GABRA2: variants seen among roughly 807,000 people sequenced by gnomAD.
GABRA2 encodes gamma-aminobutyric acid type A receptor subunit alpha2, also known as gamma-aminobutyric acid receptor subunit alpha-2.
GABRA2 carries 16 observed loss-of-function variants against 48.7 expected under a neutral mutation model. The observed-to-expected ratio is 0.33, with a 90% CI of 0.22 to 0.50. The LOEUF (loss-of-function observed/expected upper bound fraction) is 0.50. GABRA2 is among the 20% of genes least tolerant of loss of function. The probability of loss-of-function intolerance (pLI) is 0.98; values close to 1 mark genes in which losing one functional copy is unlikely to be tolerated. For missense variants in GABRA2, 275 were observed against 535.6 expected (o/e 0.51, Z 4.80); for synonymous variants, 185 against 184.5 (o/e 1.00, Z -0.02).
At chr4:46,326,540 A>G (rs1295123667) in intron 4 of GABRA2, among the ~76,000 whole-genome samples, 2 of 151,506 alleles carry the variant, frequency 1.3e-5, no homozygotes, top group Non-Finnish European at 3.0e-5. Flanking sequence ...CTAGCTCAGA[A>G]AATGGAACCA....
intron 1 of GABRA2, chr4:46,389,516 G>T (rs954131474): frequency 5.2e-6 from 3 of 579,050 alleles, no homozygotes; most frequent in African/African-American, 4.1e-5. Context: ...ACGTGCTGCC[G>T]AGCAGGTGTC....
At chr4:46,260,604 A>G (rs1716766866) in intron 9 of GABRA2, among the ~76,000 whole-genome samples, 1 of 151,894 alleles carries the variant, frequency 6.6e-6, no homozygotes, top group Admixed American at 6.6e-5. Context: ...TTTTATCTCC[A>G]AAAAATTAGT....
intron 3 of GABRA2, among the ~76,000 whole-genome samples, chr4:46,336,601 T>C (rs1447081648): frequency 6.6e-6 from 1 of 152,102 alleles, no homozygotes; most frequent in Non-Finnish European, 1.5e-5. Context: ...AGAGGCAAAA[T>C]ACAAGGTTGA....
In GABRA2 at chr4:46,250,632, G is replaced by A. The variant is rs201645152; in HGVS notation, c.1060-28C>T. 3.9e-6 allele frequency: 6 copies of A among 1,534,390 alleles called. No homozygotes were observed. The African/African-American group carries it at 8.4e-5, about 21-fold the overall frequency. ...ATTGAAAAATACAAAAATTAACAGAGTGTGGGTTGAGTCTGCTACTTAACA... is the reference window on the plus strand; with the variant it reads ...ATTGAAAAATACAAAAATTAACAGAATGTGGGTTGAGTCTGCTACTTAACA... On this transcript the variant is annotated intron_variant, in intron 9 of 9. Coordinates refer to ENST00000381620, the MANE Select transcript of GABRA2 (RefSeq NM_000807.4).
intron 3 of GABRA2, among the ~76,000 whole-genome samples, chr4:46,378,086 C>T (rs1355955751): frequency 1.1e-4 from 17 of 151,976 alleles, no homozygotes; most frequent in African/African-American, 3.4e-4. Context: ...AGGTGAGGGG[C>T]GCCTCTGCCC....
intron 3 of GABRA2, among the ~76,000 whole-genome samples, chr4:46,383,524 A>C (rs923315331): frequency 7.9e-5 from 12 of 152,250 alleles, no homozygotes; most frequent in African/African-American, 1.2e-4. Flanking sequence ...CTGAGAAAGG[A>C]GGATTTATTA....
At chr4:46,353,474 TA>T (rs1440227335) in intron 3 of GABRA2, among the ~76,000 whole-genome samples, 1 of 152,132 alleles carries the variant, frequency 6.6e-6, no homozygotes, top group Non-Finnish European at 1.5e-5. Flanking sequence ...TACTCAGAAG[TA>T]AAAGCCAAAG....
At chr4:46,299,245 T>A (rs1220705270) in intron 8 of GABRA2, among the ~76,000 whole-genome samples, 3 of 151,840 alleles carry the variant, frequency 2.0e-5, no homozygotes, top group Non-Finnish European at 4.4e-5. Flanking sequence ...AAAATTTTTA[T>A]TCCTGAATTT....
chr4:46,244,233 C>T lies in GABRA2; in HGVS notation c.*6075G>A, dbSNP rs541094547. On this transcript the variant is annotated 3_prime_UTR_variant, in exon 10 of 10. Coordinates refer to ENST00000381620, the MANE Select transcript of GABRA2 (RefSeq NM_000807.4). ...GATCAGTTTAAAGCACAATCAATTGCTTCAACGACTATGTCGAATATGTTA... is the reference window on the plus strand; with the variant it reads ...GATCAGTTTAAAGCACAATCAATTGTTTCAACGACTATGTCGAATATGTTA... The T allele has an allele frequency of 5.3e-5, 8 of 151,692 alleles. No homozygotes were observed. Among genetic ancestry groups the T allele is most frequent in the African/African-American group, 1.9e-4 (8 of 41,522 alleles). The allele number at this position is 151,692 out of a possible 1,614,324, so 9.4% of individuals were successfully genotyped here. A position where few individuals can be genotyped will look rare whatever the true frequency, so the allele number is the denominator to read the frequency against.
In GABRA2 at chr4:46,262,143, A is replaced by C; in HGVS notation, c.857-15T>G. The stretch of plus-strand genomic sequence containing the variant: ...AGTTGTTACTCCTGCAAAAGAAAAG[A>C]TAGGAATCGAAAACATCAATAGGTA... On this transcript the variant is annotated splice_polypyrimidine_tract_variant and intron_variant, in intron 8 of 9. Transcript: ENST00000381620. The C allele has an allele frequency of 6.2e-7, 1 of 1,611,318 alleles. No homozygotes were observed. Among genetic ancestry groups the C allele is most frequent in the South Asian group, 1.1e-5 (1 of 91,018 alleles).
intron 8 of GABRA2, among the ~76,000 whole-genome samples, chr4:46,263,787 A>G (rs1394808627): frequency 6.6e-6 from 1 of 151,992 alleles, no homozygotes; most frequent in Non-Finnish European, 1.5e-5. Flanking sequence ...CATCTTTGCA[A>G]AAAAGGTAAT....
Position 46,303,575 on chromosome 4 carries a change from T to A in GABRA2, c.741A>T (p.Lys247Asn). The A allele has an allele frequency of 3.7e-6, 6 of 1,613,886 alleles. No homozygotes were observed. Among genetic ancestry groups the A allele is most frequent in the Non-Finnish European group, 5.1e-6 (6 of 1,179,822 alleles). Residue 247 changes from lysine to asparagine, a missense_variant, in exon 8 of 10, where the codon AAA (lysine) becomes AAT (asparagine). Coordinates refer to ENST00000381620, the MANE Select transcript of GABRA2 (RefSeq NM_000807.4). ...GAATCACAAAATACCCAATTTTTCT[T>A]TTCAGGTGGAAATGAGCTGTCATTA... is the stretch of plus-strand genomic sequence containing the variant. ...YTVMTAHFHLKRKIGYFVIQT... is the reference protein window; with the variant it reads ...YTVMTAHFHLNRKIGYFVIQT...
chr4:46,296,360 C>A (rs1289387983), intron 8 of GABRA2, among the ~76,000 whole-genome samples: 1 of 152,078 alleles, frequency 6.6e-6, no homozygotes, highest in Admixed American at 6.5e-5. Context: ...TCAATGATTC[C>A]TTTGAACTAG....
At chr4:46,307,202 A>G (rs1249902632) in intron 6 of GABRA2, among the ~76,000 whole-genome samples, 7 of 152,058 alleles carry the variant, frequency 4.6e-5, no homozygotes, top group African/African-American at 1.7e-4. Flanking sequence ...ATTTCAATTC[A>G]TTAACCATTA....
rs1714339425 is a variant in GABRA2 at position 46,249,671 on chromosome 4, T to G, written c.*637A>C. 1 of 151,538 alleles carries G rather than the reference T, an allele frequency of 6.6e-6. No individual in the cohort carries two copies. Among genetic ancestry groups the G allele is most frequent in the South Asian group, 2.1e-4 (1 of 4,828 alleles). 9.4% of individuals were successfully genotyped at this position (151,538 alleles called of 1,614,324 possible). On this transcript the variant is annotated 3_prime_UTR_variant, in exon 10 of 10. Transcript: ENST00000381620. ...GTAATGACCATGACATTCCAATAGT[T>G]ATTACATCGTAGGCATAATTAACAT...
Position 46,250,268 on chromosome 4 carries a change from T to G in GABRA2, c.*40A>C. Reference sequence around the variant, plus strand: ...TGTACATAGCAAAACAAACCAAATTTAATGTTGCTATACATCCCAAAGATA... The same window carrying G: ...TGTACATAGCAAAACAAACCAAATTGAATGTTGCTATACATCCCAAAGATA... On this transcript the variant is annotated 3_prime_UTR_variant, in exon 10 of 10. Coordinates refer to ENST00000381620, the MANE Select transcript of GABRA2 (RefSeq NM_000807.4). The G allele has an allele frequency of 6.4e-7, 1 of 1,554,016 alleles. No homozygotes were observed. Among genetic ancestry groups the G allele is most frequent in the East Asian group, 2.3e-5 (1 of 44,428 alleles).
At chr4:46,322,397 C>T (rs1003419726) in intron 4 of GABRA2, among the ~76,000 whole-genome samples, 1 of 151,866 alleles carries the variant, frequency 6.6e-6, no homozygotes. Context: ...AGGCCCTGCA[C>T]GATCTCTTCC....
chr4:46,263,961 A>G (rs1427909383), intron 8 of GABRA2, among the ~76,000 whole-genome samples: 1 of 150,762 alleles, frequency 6.6e-6, no homozygotes, highest in Non-Finnish European at 1.5e-5. Flanking sequence ...TTTCTCTATA[A>G]TAAACATTTC....
intron 9 of GABRA2, among the ~76,000 whole-genome samples, chr4:46,254,342 A>C (rs184684853): frequency 1.3e-5 from 2 of 151,598 alleles, no homozygotes; most frequent in Admixed American, 6.6e-5. Flanking sequence ...AAATAGTCCA[A>C]TGAAACCTTT....
Sources: gnomAD v4.1 joint callset for allele counts (sites outside exome capture counted in the v4.1 genomes callset) on GRCh38, gnomAD v4.1.1 for gene constraint, MANE v1.5 for transcripts, NCBI Gene and HGNC (gene_info 2026-07-23, HGNC 2026-07-21) for gene names.